Variants in UBE2E2 observed in about 807,000 individuals in gnomAD.
UBE2E2 encodes ubiquitin conjugating enzyme E2 E2, also known as ubiquitin-conjugating enzyme E2 E2.
UBE2E2 carries 6 observed loss-of-function variants against 24.7 expected under a neutral mutation model. That is an observed-to-expected ratio of 0.24 (90% confidence interval 0.13 to 0.48). The LOEUF (loss-of-function observed/expected upper bound fraction) is 0.48. Ranked by LOEUF, UBE2E2 falls within the 20% of genes least tolerant of loss-of-function variation. The pLI is 0.99. For synonymous variants in UBE2E2, 104 were observed against 83.6 expected (o/e 1.24, Z -1.33); for missense variants, 169 against 245.0 (o/e 0.69, Z 2.07).
chr3:23,479,043 A>G (rs888931104), intron 3 of UBE2E2, among the ~76,000 whole-genome samples: 6 of 152,162 alleles, frequency 3.9e-5, no homozygotes, highest in Non-Finnish European at 7.3e-5. Context: ...ATAGTGTCAC[A>G]GGATCCTTCA....
At chr3:23,498,424 G>A (rs773366137) in intron 3 of UBE2E2, among the ~76,000 whole-genome samples, 5 of 152,152 alleles carry the variant, frequency 3.3e-5, no homozygotes, top group South Asian at 4.1e-4. Flanking sequence ...TTGAGCTTCC[G>A]AAAAAATTTT....
In UBE2E2 at chr3:23,583,951, T is replaced by G. The variant is rs1364629625; in HGVS notation, c.509-5783T>G. On this transcript the variant is annotated intron_variant, in intron 5 of 5. Transcript: ENST00000396703. The surrounding 1 kb of genome is among the most constrained non-coding windows in gnomAD (Gnocchi z 4.1). ...GCTCTGGCTAAGAATTCCAGTGTAA[T>G]ATTGACTAGGAGTAGTGAGAGAGGG... is the stretch of plus-strand genomic sequence containing the variant. 6.6e-6 allele frequency among the ~76,000 whole-genome samples: 1 copy of G among 152,202 alleles called. No homozygotes were observed. Among genetic ancestry groups the G allele is most frequent in the East Asian group, 1.9e-4 (1 of 5,208 alleles).
chr3:23,456,900 AG>A (rs1248121707), intron 3 of UBE2E2, among the ~76,000 whole-genome samples: 1 of 152,204 alleles, frequency 6.6e-6, no homozygotes, highest in African/African-American at 2.4e-5. Context: ...GGAAAGTCCT[AG>A]ATGGCCTCTT....
intron 3 of UBE2E2, among the ~76,000 whole-genome samples, chr3:23,352,342 AC>A (rs1434556474): frequency 6.6e-6 from 1 of 152,196 alleles, no homozygotes; most frequent in African/African-American, 2.4e-5. Flanking sequence ...ACAAGAGCAA[AC>A]ACATTCAAAA....
intron 3 of UBE2E2, among the ~76,000 whole-genome samples, chr3:23,429,832 A>G (rs1342369373): frequency 3.9e-5 from 6 of 152,260 alleles, no homozygotes; most frequent in African/African-American, 9.6e-5. Flanking sequence ...TGCAGTATAC[A>G]AGATTAATAT....
chr3:23,260,579 G>A (rs542581876), intron 3 of UBE2E2, among the ~76,000 whole-genome samples: 9 of 152,260 alleles, frequency 5.9e-5, no homozygotes, highest in African/African-American at 2.2e-4. Flanking sequence ...TTGGGAGGTC[G>A]AGGTGGGAGG....
chr3:23,396,121 A>T, intron 3 of UBE2E2, among the ~76,000 whole-genome samples: 1 of 151,658 alleles, frequency 6.6e-6, no homozygotes, highest in East Asian at 1.9e-4. Context: ...ATATTTAGTT[A>T]TTTCACAAAT....
chr3:23,370,413 A>G (rs1408310675), intron 3 of UBE2E2, among the ~76,000 whole-genome samples: 1 of 152,208 alleles, frequency 6.6e-6, no homozygotes, highest in African/African-American at 2.4e-5. Flanking sequence ...GTCAATTTTT[A>G]AGTAATTAAA....
At chr3:23,460,859 C>A (rs959852458) in intron 3 of UBE2E2, among the ~76,000 whole-genome samples, 1 of 152,024 alleles carries the variant, frequency 6.6e-6, no homozygotes, top group African/African-American at 2.4e-5. Context: ...TTTAATTCAC[C>A]TTTTGGCCAT....
chr3:23,508,217 C>A (rs1694498614), intron 4 of UBE2E2, among the ~76,000 whole-genome samples: 1 of 152,144 alleles, frequency 6.6e-6, no homozygotes, highest in African/African-American at 2.4e-5. Flanking sequence ...AAAATGGTGT[C>A]ATTGTCTTTG....
At chr3:23,322,299 C>T (rs896856700) in intron 3 of UBE2E2, among the ~76,000 whole-genome samples, 3 of 152,192 alleles carry the variant, frequency 2.0e-5, no homozygotes, top group South Asian at 4.2e-4. Context: ...TTGAAAGGGT[C>T]GGTAGGATAC....
At chr3:23,295,317 T>A (rs1158379748) in intron 3 of UBE2E2, among the ~76,000 whole-genome samples, 1 of 152,212 alleles carries the variant, frequency 6.6e-6, no homozygotes, top group South Asian at 2.1e-4. Context: ...TTTTTGGCTG[T>A]CTTTGCTGGT....
rs186289992 is a variant in UBE2E2 at position 23,493,103 on chromosome 3, G to A, written c.228-6505G>A. On this transcript the variant is annotated intron_variant, in intron 3 of 5. Coordinates refer to ENST00000396703, the MANE Select transcript of UBE2E2 (RefSeq NM_152653.4). ...GGCAAGTCAGACACATTCTTTCTGT[G>A]GAGCCAGAATCCCAACATTGCCGAG... Among the ~76,000 whole-genome samples the A allele has an allele frequency of 2.3e-3, 343 of 152,236 alleles. 3 individuals carry two copies. The highest frequency in any genetic ancestry group is 7.8e-3 in the African/African-American group (325 of 41,522).
chr3:23,494,847 G>A (rs1429431693), intron 3 of UBE2E2, among the ~76,000 whole-genome samples: 1 of 151,854 alleles, frequency 6.6e-6, no homozygotes, highest in African/African-American at 2.4e-5. Flanking sequence ...GCCTCAGATA[G>A]TATCCCATCT....
intron 4 of UBE2E2, among the ~76,000 whole-genome samples, chr3:23,528,441 C>T (rs1416558289): frequency 6.6e-6 from 1 of 152,146 alleles, no homozygotes; most frequent in African/African-American, 2.4e-5. Flanking sequence ...GCAGGGCGAG[C>T]TGCTGAAAGA....
intron 3 of UBE2E2, among the ~76,000 whole-genome samples, chr3:23,432,764 C>G (rs1698090227): frequency 6.6e-6 from 1 of 151,884 alleles, no homozygotes; most frequent in Admixed American, 6.6e-5. Context: ...ATTATAGATT[C>G]ATTTCCAGAT....
At chr3:23,537,925 A>G (rs1575693056) in intron 5 of UBE2E2, among the ~76,000 whole-genome samples, 2 of 152,200 alleles carry the variant, frequency 1.3e-5, no homozygotes, top group East Asian at 3.8e-4. Context: ...GGGAGCCGCT[A>G]GACTGATGAA....
Position 23,247,212 on chromosome 3 carries a change from A to T in UBE2E2, c.227+29900A>T, listed in dbSNP as rs1297648650. Among the ~76,000 whole-genome samples, 3 of 152,200 alleles carry T rather than the reference A, an allele frequency of 2.0e-5. 1 individual carries two copies. Among genetic ancestry groups the T allele is most frequent in the African/African-American group, 7.2e-5 (3 of 41,550 alleles). On this transcript the variant is annotated intron_variant, in intron 3 of 5. Coordinates refer to ENST00000396703, the MANE Select transcript of UBE2E2 (RefSeq NM_152653.4). ...AAAAGAATTTATTTATTCTCTTTTT[A>T]TTCCAATTTATTAATTAATACTCAA...
chr3:23,549,302 T>C, intron 5 of UBE2E2, among the ~76,000 whole-genome samples: 1 of 152,246 alleles, frequency 6.6e-6, no homozygotes, highest in South Asian at 2.1e-4. Flanking sequence ...TGATCTCTAC[T>C]ACATTTATGC....
Sources: gnomAD v4.1 joint callset for allele counts (sites outside exome capture counted in the v4.1 genomes callset) on GRCh38, gnomAD v4.1.1 for gene constraint, Gnocchi (gnomAD v3.1) non-coding constraint, MANE v1.5 for transcripts, NCBI Gene and HGNC (gene_info 2026-07-23, HGNC 2026-07-21) for gene names.